EFNA5: variants seen among roughly 807,000 people sequenced by gnomAD.
EFNA5 encodes ephrin-A5.
Under a neutral mutation model 22.9 loss-of-function variants are expected in EFNA5, and 5 were observed. The observed-to-expected ratio is 0.22, with a 90% confidence interval of 0.11 to 0.46. The LOEUF is 0.46. Among genes scored for constraint, EFNA5 ranks in the 20% least tolerant of loss-of-function variants. EFNA5 has a pLI of 0.99. For missense variants in EFNA5, 237 were observed against 293.3 expected (o/e 0.81, Z 1.40); for synonymous variants, 113 against 112.2 (o/e 1.01, Z -0.04).
chr5:107,613,596 G>A (rs1182235494), intron 1 of EFNA5, among the ~76,000 whole-genome samples: 1 of 152,036 alleles, frequency 6.6e-6, no homozygotes, highest in East Asian at 1.9e-4. Context: ...TTTAAACACA[G>A]TGCACCTTGA....
rs1434665334 is a variant in EFNA5 at position 107,378,481 on chromosome 5, C to G, written c.*2774G>C. ...AGCTTCTAAAAGTTGCATCAACATC[C>G]TCCTAAGCCCCCAGAGGATTGTAAC... On this transcript the variant is annotated 3_prime_UTR_variant, in exon 5 of 5. Coordinates refer to ENST00000333274, the MANE Select transcript of EFNA5 (RefSeq NM_001962.3). 1 of 152,072 alleles carries G rather than the reference C, an allele frequency of 6.6e-6. No individual in the cohort carries two copies. The highest frequency in any genetic ancestry group is 1.5e-5 in the Non-Finnish European group (1 of 68,008). The allele number at this position is 152,072 out of a possible 1,614,324, so 9.4% of individuals were successfully genotyped here.
chr5:107,442,273 T>G (rs945313545), intron 1 of EFNA5, among the ~76,000 whole-genome samples: 4 of 152,096 alleles, frequency 2.6e-5, no homozygotes, highest in Admixed American at 1.3e-4. Flanking sequence ...TAAAATAAAG[T>G]TTGAGCCATC....
chr5:107,467,653 G>T (rs1022229964), intron 1 of EFNA5, among the ~76,000 whole-genome samples: 16 of 152,212 alleles, frequency 1.1e-4, no homozygotes, highest in Non-Finnish European at 1.5e-5. Context: ...CTCACAGCCT[G>T]TTCATCAGGC....
At chr5:107,438,731 A>G (rs1749179648) in intron 1 of EFNA5, among the ~76,000 whole-genome samples, 1 of 152,106 alleles carries the variant, frequency 6.6e-6, no homozygotes, top group Admixed American at 6.5e-5. Flanking sequence ...GAACCAATGC[A>G]TTGTCCTTGG....
chr5:107,477,483 T>C (rs2112394386), intron 1 of EFNA5, among the ~76,000 whole-genome samples: 1 of 152,342 alleles, frequency 6.6e-6, no homozygotes, highest in East Asian at 1.9e-4. Context: ...ATTACTGCTC[T>C]AGAAAATTGT....
chr5:107,560,296 T>C (rs574781761), intron 1 of EFNA5, among the ~76,000 whole-genome samples: 5 of 152,168 alleles, frequency 3.3e-5, no homozygotes, highest in Admixed American at 1.3e-4. Flanking sequence ...ATTAAGGCCT[T>C]TGAAATAATA....
intron 1 of EFNA5, among the ~76,000 whole-genome samples, chr5:107,481,817 T>A (rs894676492): frequency 6.9e-6 from 1 of 144,066 alleles, no homozygotes; most frequent in Non-Finnish European, 1.5e-5. Flanking sequence ...CCCATTGCAC[T>A]GCAGCCTGGG....
chr5:107,496,737 T>C (rs552242994), intron 1 of EFNA5, among the ~76,000 whole-genome samples: 32 of 152,320 alleles, frequency 2.1e-4, no homozygotes, highest in African/African-American at 6.7e-4. Context: ...GGATGACCCA[T>C]TCCTGGGGAG....
chr5:107,458,163 T>C (rs529610428), intron 1 of EFNA5, among the ~76,000 whole-genome samples: 1 of 152,312 alleles, frequency 6.6e-6, no homozygotes, highest in African/African-American at 2.4e-5. Context: ...ACTTTTGATA[T>C]ATTTGTTTTC....
chr5:107,512,006 A>G (rs948993489), intron 1 of EFNA5, among the ~76,000 whole-genome samples: 2 of 152,170 alleles, frequency 1.3e-5, no homozygotes, highest in African/African-American at 4.8e-5. Context: ...AAAACACCCA[A>G]AAGGTGCATT....
At chr5:107,649,858 G>C (rs1750694866) in intron 1 of EFNA5, among the ~76,000 whole-genome samples, 1 of 152,118 alleles carries the variant, frequency 6.6e-6, no homozygotes. Context: ...AAATAGATTA[G>C]TATTTCCATA....
At chr5:107,430,719 C>T (rs976344987) in intron 1 of EFNA5, among the ~76,000 whole-genome samples, 9 of 150,714 alleles carry the variant, frequency 6.0e-5, no homozygotes, top group Non-Finnish European at 1.0e-4. Flanking sequence ...AAGTGAATTA[C>T]GGTGGTACCT....
chr5:107,666,400 T>C lies in EFNA5; in HGVS notation c.125+4089A>G, dbSNP rs550472550. Among the ~76,000 whole-genome samples the C allele has an allele frequency of 1.6e-3, 249 of 152,250 alleles. 1 individual carries two copies. Among genetic ancestry groups the C allele is most frequent in the African/African-American group, 5.8e-3 (241 of 41,564 alleles). On this transcript the variant is annotated intron_variant, in intron 1 of 4. Transcript: ENST00000333274. ...GCCAGAGGACTTGGGAGTGTTGACCTAGAATTCACATTACTTTCACAACTC... is the reference window on the plus strand; with the variant it reads ...GCCAGAGGACTTGGGAGTGTTGACCCAGAATTCACATTACTTTCACAACTC...
chr5:107,667,361 T>C (rs913787796), intron 1 of EFNA5, among the ~76,000 whole-genome samples: 1 of 152,082 alleles, frequency 6.6e-6, no homozygotes, highest in African/African-American at 2.4e-5. Context: ...ATTGTAACAG[T>C]AAAACTATTC....
chr5:107,615,467 G>A (rs1372420968), intron 1 of EFNA5, among the ~76,000 whole-genome samples: 3 of 152,122 alleles, frequency 2.0e-5, no homozygotes, highest in African/African-American at 7.2e-5. Flanking sequence ...CAGTTAAAAT[G>A]CGCACTTACA....
chr5:107,427,123 A>T, intron 2 of EFNA5, 94 bp downstream of exon 2: 1 of 1,337,002 alleles, frequency 7.5e-7, no homozygotes, highest in South Asian at 1.2e-5. Flanking sequence ...TGTAATGCAG[A>T]GTCCAGCTCT....
intron 1 of EFNA5, among the ~76,000 whole-genome samples, chr5:107,448,004 G>A (rs1042532793): frequency 6.6e-6 from 1 of 151,952 alleles, no homozygotes; most frequent in Non-Finnish European, 1.5e-5. Context: ...CTGCCACCAC[G>A]CCGGGCTAAT....
intron 2 of EFNA5, among the ~76,000 whole-genome samples, chr5:107,407,705 T>G (rs1355854455): frequency 1.3e-5 from 2 of 152,232 alleles, no homozygotes; most frequent in African/African-American, 4.8e-5. Context: ...AACAGTTTAG[T>G]TGAACTTTTT....
intron 2 of EFNA5, among the ~76,000 whole-genome samples, chr5:107,416,944 G>A (rs76061311): frequency 9.2e-5 from 14 of 151,978 alleles, no homozygotes; most frequent in Admixed American, 2.6e-4. Flanking sequence ...AATCAATTCA[G>A]ATTTTAGTCA....
Sources: gnomAD v4.1 joint callset for allele counts (sites outside exome capture counted in the v4.1 genomes callset) on GRCh38, gnomAD v4.1.1 for gene constraint, MANE v1.5 for transcripts, NCBI Gene and HGNC (gene_info 2026-07-23, HGNC 2026-07-21) for gene names.